Variants in COX7B2 observed in about 807,000 individuals in gnomAD.
COX7B2 encodes the protein cytochrome c oxidase subunit 7B2, mitochondrial.
For synonymous variants in COX7B2, 37 were observed against 32.1 expected (o/e 1.15, Z -0.51); for missense variants, 109 against 95.9 (o/e 1.14, Z -0.57).
intron 2 of COX7B2, among the ~76,000 whole-genome samples, chr4:46,757,371 T>G (rs1411525536): frequency 6.6e-6 from 1 of 152,096 alleles, no homozygotes; most frequent in Non-Finnish European, 1.5e-5. Flanking sequence ...ATGTTCACTA[T>G]TCTGGTGATG....
rs545794007 is a variant in COX7B2, at chr4:46,796,250, G to A, written c.-50+48710C>T. 4.2e-4 allele frequency among the ~76,000 whole-genome samples: 63 copies of A among 148,278 alleles called. 3 individuals are homozygous for A. The highest frequency in any genetic ancestry group is 1.3e-3 in the African/African-American group (49 of 38,434). On this transcript the variant is annotated intron_variant, in intron 2 of 2. Transcript: ENST00000355591. ...TTCCAACACTATGTTGAATAGGAGC[G>A]GTGAGAGAGGGCATCCCTGTCTTGT...
chr4:46,849,115 T>C (rs551955668), intron 1 of COX7B2, among the ~76,000 whole-genome samples: 1 of 152,160 alleles, frequency 6.6e-6, no homozygotes, highest in Admixed American at 6.6e-5. Flanking sequence ...GACTATAAAA[T>C]CCATGGATAT....
intron 2 of COX7B2, among the ~76,000 whole-genome samples, chr4:46,753,277 T>A (rs1715519529): frequency 6.6e-6 from 1 of 152,244 alleles, no homozygotes; most frequent in Middle Eastern, 3.4e-3. Context: ...CCTTTATCAT[T>A]TTTTATTGCA....
chr4:46,905,722 C>T (rs1720336248), intron 1 of COX7B2, among the ~76,000 whole-genome samples: 1 of 151,410 alleles, frequency 6.6e-6, no homozygotes, highest in African/African-American at 2.4e-5. Context: ...TTCATTCCCT[C>T]TCTGAGCCCT....
At chr4:46,892,350 G>A (rs1390997435) in intron 1 of COX7B2, among the ~76,000 whole-genome samples, 1 of 152,182 alleles carries the variant, frequency 6.6e-6, no homozygotes, top group African/African-American at 2.4e-5. Flanking sequence ...AGTATAGACA[G>A]ACATGTTTTG....
intron 2 of COX7B2, among the ~76,000 whole-genome samples, chr4:46,753,182 T>C (rs1715510119): frequency 6.6e-6 from 1 of 152,236 alleles, no homozygotes; most frequent in African/African-American, 2.4e-5. Flanking sequence ...CCATTTCTTC[T>C]AGATTTTCTA....
At chr4:46,762,807 A>G (rs188392409) in intron 2 of COX7B2, among the ~76,000 whole-genome samples, 1 of 148,834 alleles carries the variant, frequency 6.7e-6, no homozygotes, top group Non-Finnish European at 1.5e-5. Flanking sequence ...GGGAACAAGG[A>G]AAGTTTGCAC....
In COX7B2 at chr4:46,801,283, CAT is replaced by C. The variant is rs1718641913; in HGVS notation, c.-50+43675_-50+43676del. 3.3e-5 allele frequency among the ~76,000 whole-genome samples: 5 copies of C among 152,094 alleles called. No homozygotes were observed. The South Asian group carries it at 8.3e-4, about 25-fold the overall frequency. On this transcript the variant is annotated intron_variant, in intron 2 of 2. Coordinates refer to ENST00000355591, the MANE Select transcript of COX7B2 (RefSeq NM_130902.3). The stretch of plus-strand genomic sequence containing the variant: ...GTTCTGCCATAAAGACATATGCACA[CAT>C]ATGTTTATCACGGCCCTACTTACAA...
chr4:46,757,339 GAA>G (rs1264336909), intron 2 of COX7B2, among the ~76,000 whole-genome samples: 1 of 151,986 alleles, frequency 6.6e-6, no homozygotes, highest in Non-Finnish European at 1.5e-5. Context: ...GGTTATGGCT[GAA>G]AAACTACCTA....
intron 2 of COX7B2, among the ~76,000 whole-genome samples, chr4:46,779,925 A>T (rs916916084): frequency 6.6e-6 from 1 of 152,188 alleles, no homozygotes; most frequent in Non-Finnish European, 1.5e-5. Flanking sequence ...ACTATAGTGA[A>T]TAATATTATA....
At chr4:46,824,339 C>T (rs1560404111) in intron 2 of COX7B2, among the ~76,000 whole-genome samples, 1 of 152,040 alleles carries the variant, frequency 6.6e-6, no homozygotes. Context: ...CATCTTCATA[C>T]CAAAATCTGG....
chr4:46,768,393 C>G (rs576102806), intron 2 of COX7B2, among the ~76,000 whole-genome samples: 1 of 152,142 alleles, frequency 6.6e-6, no homozygotes, highest in Admixed American at 6.5e-5. Flanking sequence ...AGATGCTTCT[C>G]TCTTCCCTCC....
chr4:46,763,329 T>C (rs1218092522), intron 2 of COX7B2, among the ~76,000 whole-genome samples: 1 of 149,674 alleles, frequency 6.7e-6, no homozygotes, highest in Non-Finnish European at 1.5e-5. Context: ...GGATAGCTAT[T>C]GCTTCTTTTC....
chr4:46,744,516 T>C (rs188260370), intron 2 of COX7B2, among the ~76,000 whole-genome samples: 132 of 152,164 alleles, frequency 8.7e-4, no homozygotes, highest in African/African-American at 3.0e-3. Context: ...AACACATCCA[T>C]CTTTATTAAT....
intron 2 of COX7B2, among the ~76,000 whole-genome samples, chr4:46,839,373 C>T (rs79310285): frequency 8.2e-4 from 124 of 152,120 alleles, no homozygotes; most frequent in African/African-American, 2.7e-3. Flanking sequence ...TGGTAACTTC[C>T]TGTGTCATCC....
intron 2 of COX7B2, among the ~76,000 whole-genome samples, chr4:46,827,501 T>G (rs145583154): frequency 4.0e-4 from 61 of 152,234 alleles, no homozygotes; most frequent in African/African-American, 1.4e-3. Flanking sequence ...AAATTCTGTA[T>G]CTACTGAAAG....
At chr4:46,906,252 T>A (rs1720389192) in intron 1 of COX7B2, among the ~76,000 whole-genome samples, 1 of 152,280 alleles carries the variant, frequency 6.6e-6, no homozygotes, top group South Asian at 2.1e-4. Flanking sequence ...AGCTGGAAAA[T>A]CACTCTCAGC....
intron 2 of COX7B2, among the ~76,000 whole-genome samples, chr4:46,766,921 C>T (rs148003471): frequency 7.9e-5 from 12 of 151,900 alleles, no homozygotes; most frequent in African/African-American, 2.4e-4. Flanking sequence ...TCACATCATA[C>T]GGGAATAAAG....
At chr4:46,838,546 A>G (rs1358818398) in intron 2 of COX7B2, among the ~76,000 whole-genome samples, 2 of 152,080 alleles carry the variant, frequency 1.3e-5, no homozygotes, top group Non-Finnish European at 2.9e-5. Context: ...TCATGCATCA[A>G]AGCATAACTT....
Sources: allele counts gnomAD v4.1 joint callset (sites outside exome capture counted in the v4.1 genomes callset), GRCh38; gene constraint gnomAD v4.1.1; transcripts MANE v1.5; gene names NCBI Gene and HGNC (gene_info 2026-07-23, HGNC 2026-07-21).